The following KLHL36 variants were observed in gnomAD, a reference collection of about 807,000 sequenced individuals.
KLHL36 encodes the protein kelch-like protein 36.
In KLHL36, 35 loss-of-function variants were observed where a neutral mutation model predicts 53.3. That is an observed-to-expected ratio of 0.66 (90% confidence interval 0.50 to 0.87). The LOEUF (loss-of-function observed/expected upper bound fraction) is 0.87. Ranked by LOEUF, KLHL36 falls within the 40% of genes least tolerant of loss-of-function variation. The pLI is 0.00. For missense variants in KLHL36, 864 were observed against 897.6 expected, an observed-to-expected ratio of 0.96 and a Z score of 0.48; for synonymous variants, 472 against 398.9, an observed-to-expected ratio of 1.18 and a Z score of -2.18.
At chr16:84,653,158 A>G (rs1907000155) in intron 2 of KLHL36, among the ~76,000 whole-genome samples, 2 of 152,158 alleles carry the variant, frequency 1.3e-5, no homozygotes, top group African/African-American at 4.8e-5. Context: ...TAGAGGTTGC[A>G]GTGAGCTATG....
In KLHL36 at chr16:84,657,934, A is replaced by G. The variant is rs769236608; in HGVS notation, c.1127A>G (p.Gln376Arg). 1 of 1,516,590 alleles carries G rather than the reference A, an allele frequency of 6.6e-7. No homozygotes were observed. Among genetic ancestry groups the G allele is most frequent in the Non-Finnish European group, 8.8e-7 (1 of 1,132,370 alleles). The allele number at this position is 1,516,590 out of a possible 1,614,324, so 93.9% of individuals were successfully genotyped here. ...TATAGGTATGACCCCCGCTGTAAAC[A>G]GTGGATCAAGGTGAGATTAAAGCCA... ...LLYRYDPRCK[Q>R]WIKVASMNQR... is the part of the protein sequence containing the mutation. Residue 376 changes from glutamine to arginine, a missense_variant, in exon 3 of 5, where the codon CAG (glutamine) becomes CGG (arginine). Physicochemically the swap from Gln to Arg is conservative, Grantham distance 43. Coordinates refer to ENST00000564996, the MANE Select transcript of KLHL36 (RefSeq NM_024731.4).
Position 84,662,601 on chromosome 16 carries a change from G to T in KLHL36, c.*468G>T, listed in dbSNP as rs1907624656. The stretch of plus-strand genomic sequence containing the variant: ...CAAAACCACCAGGAACGGGGAGGAG[G>T]TGGTGCCCAGAAGCTGTATTTTAAC... On this transcript the variant is annotated 3_prime_UTR_variant, in exon 5 of 5. Transcript: ENST00000564996. 6.5e-6 allele frequency: 1 copy of T among 154,640 alleles called. No individual in the cohort carries two copies. Among genetic ancestry groups the T allele is most frequent in the African/African-American group, 2.4e-5 (1 of 41,506 alleles). The allele number at this position is 154,640 out of a possible 1,614,324, so 9.6% of individuals were successfully genotyped here. A position where few individuals can be genotyped will look rare whatever the true frequency, so the allele number is the denominator to read the frequency against.
chr16:84,660,023 ATGAAATCTTCCG>A, intron 4 of KLHL36, 106 bp downstream of exon 4: 1 of 1,137,874 alleles, frequency 8.8e-7, no homozygotes, highest in Non-Finnish European at 1.3e-6. Context: ...AATTCCAGGA[ATGAAATCTTCCG>A]GCTTGTCAGG....
intron 2 of KLHL36, among the ~76,000 whole-genome samples, chr16:84,652,837 T>C (rs111781724): frequency 1.1e-3 from 164 of 152,306 alleles, no homozygotes; most frequent in African/African-American, 3.6e-3. Flanking sequence ...TTGCTGCATG[T>C]AGTTGGTAGT....
At chr16:84,649,527 G>A (rs184855116) in intron 1 of KLHL36, among the ~76,000 whole-genome samples, 2 of 152,346 alleles carry the variant, frequency 1.3e-5, no homozygotes, top group Admixed American at 6.5e-5. Flanking sequence ...TCGAGTCCGC[G>A]GTGGGCACCG....
chr16:84,652,138 C>G (rs1906923673), intron 2 of KLHL36, among the ~76,000 whole-genome samples: 2 of 152,194 alleles, frequency 1.3e-5, no homozygotes, highest in African/African-American at 2.4e-5. Context: ...GGGAGCTTAG[C>G]TTGGGAGACA....
chr16:84,657,537 G>T lies in KLHL36; in HGVS notation c.730G>T (p.Asp244Tyr), dbSNP rs1382279111. ...NIHFPLIPKN[D>Y]LLHRVKPAVC... ...CCACTTCCCGCTCATCCCCAAGAAC[G>T]ACCTGCTGCACCGCGTCAAGCCGGC... The change falls in exon 3 of 5, where the codon GAC becomes TAC. Residue 244 changes from aspartate (D) to tyrosine (Y), a missense_variant. Asp to Tyr is a radical substitution (Grantham distance 160). Transcript: ENST00000564996. 2 of 1,610,210 alleles carry T rather than the reference G, an allele frequency of 1.2e-6. No homozygotes were observed. The highest frequency in any genetic ancestry group is 1.7e-6 in the Non-Finnish European group (2 of 1,179,882).
intron 2 of KLHL36, among the ~76,000 whole-genome samples, chr16:84,653,381 A>G (rs1328288125): frequency 6.6e-6 from 1 of 152,194 alleles, no homozygotes; most frequent in Non-Finnish European, 1.5e-5. Flanking sequence ...AAAGAAATGA[A>G]CAAGACTCAT....
At position 84,661,490 on chromosome 16, in the gene KLHL36, T is replaced by A; in HGVS notation, c.1296-88T>A. On this transcript the variant is annotated intron_variant, in intron 4 of 4. Coordinates refer to ENST00000564996, the MANE Select transcript of KLHL36 (RefSeq NM_024731.4). The surrounding 1 kb of genome is among the most constrained non-coding windows in gnomAD (Gnocchi z 7.9). ...ATATTCTTAAATCCTCATGGCCCTC[T>A]AAGACGGCAGGCTGTTCCCCGGCTC... is the stretch of plus-strand genomic sequence containing the variant. The A allele has an allele frequency of 1.5e-6, 2 of 1,353,888 alleles. No individual in the cohort carries two copies. The highest frequency in any genetic ancestry group is 2.0e-6 in the Non-Finnish European group (2 of 990,136). 83.9% of individuals were successfully genotyped at this position (1,353,888 alleles called of 1,614,324 possible).
chr16:84,662,001 C>G lies in KLHL36; in HGVS notation c.1719C>G (p.Asp573Glu), dbSNP rs1189732368. 3 of 1,593,726 alleles carry G rather than the reference C, an allele frequency of 1.9e-6. No individual in the cohort carries two copies. Among genetic ancestry groups the G allele is most frequent in the Admixed American group, 1.8e-5 (1 of 55,678 alleles). ...KTVQVYDREA[D>E]KWSRGVDLPK... ...TGCAGGTGTACGACCGCGAGGCCGA[C>G]AAGTGGAGCAGGGGCGTCGACCTGC... The change falls in exon 5 of 5, where the codon GAC becomes GAG. Residue 573 changes from aspartate (D) to glutamate (E), a missense_variant. Physicochemically the swap from Asp to Glu is conservative, Grantham distance 45. Transcript: ENST00000564996.
chr16:84,663,281 C>A lies in KLHL36; in HGVS notation c.*1148C>A, dbSNP rs998282779. ...GCCACAGGATTAGATGGAATACCCT[C>A]CAGGCTCCTCCCGGGTGATAGGGCC... On this transcript the variant is annotated 3_prime_UTR_variant, in exon 5 of 5. Coordinates refer to ENST00000564996, the MANE Select transcript of KLHL36 (RefSeq NM_024731.4). 2.0e-5 allele frequency: 3 copies of A among 152,282 alleles called. No homozygotes were observed. Among genetic ancestry groups the A allele is most frequent in the Non-Finnish European group, 1.5e-5 (1 of 68,094 alleles). The allele number at this position is 152,282 out of a possible 1,614,324, so 9.4% of individuals were successfully genotyped here.
At chr16:84,660,552 T>C (rs1355786710) in intron 4 of KLHL36, among the ~76,000 whole-genome samples, 3 of 152,226 alleles carry the variant, frequency 2.0e-5, no homozygotes, top group African/African-American at 4.8e-5. Flanking sequence ...GCAGTGCACT[T>C]TCTGAACCAG....
In KLHL36 at chr16:84,664,453, T is replaced by G. The variant is rs1036166295; in HGVS notation, c.*2320T>G. The G allele has an allele frequency of 1.3e-5, 2 of 152,224 alleles. No homozygotes were observed. Among genetic ancestry groups the G allele is most frequent in the Admixed American group, 1.3e-4 (2 of 15,280 alleles). The allele number at this position is 152,224 out of a possible 1,614,324, so 9.4% of individuals were successfully genotyped here. ...CTTCTGGGACTTGTCCCTGGAAATG[T>G]GTGAGCTTCTGGCCTCTATTCTGAT... On this transcript the variant is annotated 3_prime_UTR_variant, in exon 5 of 5. Transcript: ENST00000564996.
At chr16:84,650,469 T>C (rs927146820) in intron 1 of KLHL36, among the ~76,000 whole-genome samples, 6 of 152,148 alleles carry the variant, frequency 3.9e-5, no homozygotes, top group Admixed American at 3.3e-4. Context: ...TGGCCAAGTA[T>C]AATCTTTGTG....
intron 3 of KLHL36, 126 bp downstream of exon 3, chr16:84,658,070 T>C (rs1907328969): frequency 1.3e-6 from 1 of 759,938 alleles, no homozygotes; most frequent in South Asian, 2.3e-5. Flanking sequence ...GGTGTGATGA[T>C]AAAGTGACGA....
intron 1 of KLHL36, 84 bp from the exon 2 acceptor site, chr16:84,650,768 C>A: frequency 1.0e-6 from 1 of 963,284 alleles, no homozygotes; most frequent in Non-Finnish European, 1.6e-6. Context: ...TCACTGTCAT[C>A]CTTGGTATCT....
At chr16:84,650,438 A>G (rs1219599959) in intron 1 of KLHL36, among the ~76,000 whole-genome samples, 1 of 152,190 alleles carries the variant, frequency 6.6e-6, no homozygotes, top group Non-Finnish European at 1.5e-5. Context: ...CATCTGTGAA[A>G]TGAAATAAGT....
At chr16:84,653,634 A>C (rs941991325) in intron 2 of KLHL36, among the ~76,000 whole-genome samples, 3 of 152,110 alleles carry the variant, frequency 2.0e-5, no homozygotes, top group Non-Finnish European at 4.4e-5. Flanking sequence ...TGAGGTCAGG[A>C]GTTTAAGACC....
At chr16:84,656,094 A>G (rs1186044200) in intron 2 of KLHL36, among the ~76,000 whole-genome samples, 5 of 151,686 alleles carry the variant, frequency 3.3e-5, no homozygotes, top group Admixed American at 6.6e-5. Context: ...GAATCTCGCT[A>G]TGTTGCCCAG....
Sources: allele counts gnomAD v4.1 joint callset (sites outside exome capture counted in the v4.1 genomes callset), GRCh38; gene constraint gnomAD v4.1.1; non-coding constraint Gnocchi (gnomAD v3.1); transcripts MANE v1.5; gene names NCBI Gene and HGNC (gene_info 2026-07-23, HGNC 2026-07-21).